PITPNB: variants seen among roughly 807,000 people sequenced by gnomAD.
PITPNB encodes the protein phosphatidylinositol transfer protein beta isoform.
Under a neutral mutation model 45.9 loss-of-function variants are expected in PITPNB, and 16 were observed. That is an observed-to-expected ratio of 0.35 (90% CI 0.24 to 0.53). The LOEUF is 0.53. Among genes scored for constraint, PITPNB ranks in the 20% least tolerant of loss-of-function variants. The pLI is 0.93. For missense variants in PITPNB, 188 were observed against 330.5 expected, an observed-to-expected ratio of 0.57 and a Z score of 3.34; for synonymous variants, 112 against 108.9, an observed-to-expected ratio of 1.03 and a Z score of -0.18.
intron 3 of PITPNB, among the ~76,000 whole-genome samples, chr22:27,898,967 GC>G (rs1384523416): frequency 2.6e-5 from 4 of 152,206 alleles, no homozygotes; most frequent in African/African-American, 9.7e-5. Context: ...AGTGACTGGA[GC>G]CTACTGTAAA....
At chr22:27,877,063 G>T (rs1046914021) in intron 7 of PITPNB, among the ~76,000 whole-genome samples, 56 of 152,136 alleles carry the variant, frequency 3.7e-4, no homozygotes, top group Admixed American at 2.9e-3. Flanking sequence ...GTAATCCTTG[G>T]GGAAAAAAGA....
chr22:27,917,264 T>C (rs982717182), intron 1 of PITPNB, among the ~76,000 whole-genome samples: 3 of 152,258 alleles, frequency 2.0e-5, no homozygotes, highest in East Asian at 1.9e-4. Flanking sequence ...GTTAGCTTCA[T>C]ACTACTCACA....
intron 10 of PITPNB, among the ~76,000 whole-genome samples, chr22:27,857,961 C>T (rs1185369237): frequency 1.3e-5 from 2 of 152,134 alleles, no homozygotes; most frequent in African/African-American, 2.4e-5. Context: ...ATTAGCCTTA[C>T]CTTTTCTACA....
chr22:27,856,770 C>T (rs1934186122), intron 10 of PITPNB, among the ~76,000 whole-genome samples: 1 of 152,178 alleles, frequency 6.6e-6, no homozygotes, highest in Admixed American at 6.5e-5. Context: ...GTTTCATGTT[C>T]AGTGGACACC....
rs1826668348 is a variant in PITPNB at position 27,855,866 on chromosome 22, G to A, written c.769-927C>T. 2.6e-5 allele frequency among the ~76,000 whole-genome samples: 4 copies of A among 152,284 alleles called. No individual in the cohort carries two copies. The South Asian group carries it at 8.3e-4, about 32-fold the overall frequency. ...TTAAAATCTATCATCAGGTGTCAGGGGTCAGGACCTCAAGGAAAAAGAAAT... is the reference window on the plus strand; with the variant it reads ...TTAAAATCTATCATCAGGTGTCAGGAGTCAGGACCTCAAGGAAAAAGAAAT... On this transcript the variant is annotated intron_variant, in intron 10 of 11. Transcript: ENST00000335272.
chr22:27,913,677 C>T (rs1252218033), intron 2 of PITPNB, among the ~76,000 whole-genome samples: 1 of 152,194 alleles, frequency 6.6e-6, no homozygotes, highest in Non-Finnish European at 1.5e-5. Context: ...ACAATTACAA[C>T]ACATATAGTA....
At chr22:27,873,843 G>A (rs1934740752) in intron 7 of PITPNB, 28 bp from the exon 8 acceptor site, 2 of 1,481,136 alleles carry the variant, frequency 1.4e-6, no homozygotes, top group South Asian at 1.1e-5. Flanking sequence ...GTCAGAGGCA[G>A]AGAAGAAAAC....
At chr22:27,903,643 G>A (rs1275693487) in intron 3 of PITPNB, among the ~76,000 whole-genome samples, 4 of 151,508 alleles carry the variant, frequency 2.6e-5, no homozygotes, top group African/African-American at 9.7e-5. Flanking sequence ...GAGCACAGTG[G>A]TGCACACCTA....
rs1253563008 is a variant in PITPNB, at chr22:27,854,942, A to G, written c.769-3T>C. 2.5e-6 allele frequency: 4 copies of G among 1,611,084 alleles called. No homozygotes were observed. The highest frequency in any genetic ancestry group is 3.3e-5 in the Admixed American group (2 of 59,992). On this transcript the variant is annotated splice_region_variant and splice_polypyrimidine_tract_variant and intron_variant, in intron 10 of 11. Transcript: ENST00000335272. ...CGAACGGAACCCCTCTTACGCATCT[A>G]AACGTAAAATAAAATTGTGAGCTGC...
chr22:27,897,267 T>C (rs1415908132), intron 4 of PITPNB, 130 bp from the exon 5 acceptor site: 11 of 751,834 alleles, frequency 1.5e-5, no homozygotes, highest in Non-Finnish European at 2.4e-5. Context: ...ATTTATTTAG[T>C]AATTTATGTC....
chr22:27,897,551 T>C (rs1935470790), intron 4 of PITPNB, among the ~76,000 whole-genome samples: 2 of 152,210 alleles, frequency 1.3e-5, no homozygotes, highest in African/African-American at 4.8e-5. Context: ...TCTTTTGGCT[T>C]ACCCCTGGAG....
intron 7 of PITPNB, among the ~76,000 whole-genome samples, chr22:27,885,198 T>C (rs1935083132): frequency 2.0e-5 from 1 of 49,784 alleles, no homozygotes; most frequent in African/African-American, 7.9e-5. Flanking sequence ...AAGAGCCAGA[T>C]TCAAATTTAT....
At chr22:27,859,954 G>A (rs1202135019) in intron 9 of PITPNB, among the ~76,000 whole-genome samples, 177 bp downstream of exon 9, 1 of 152,182 alleles carries the variant, frequency 6.6e-6, no homozygotes, top group East Asian at 1.9e-4. Context: ...TAAAACCTCT[G>A]CTGCCATCTG....
chr22:27,912,496 C>CT (rs1211133688), intron 2 of PITPNB, among the ~76,000 whole-genome samples: 1 of 152,014 alleles, frequency 6.6e-6, no homozygotes, highest in East Asian at 1.9e-4. Flanking sequence ...TAAAATGAGT[C>CT]TAGGTCAAAA....
In PITPNB at chr22:27,882,989, G is replaced by C. The variant is rs1601401051; in HGVS notation, c.457-9174C>G. On this transcript the variant is annotated intron_variant, in intron 7 of 11. Coordinates refer to ENST00000335272, the MANE Select transcript of PITPNB (RefSeq NM_012399.5). ...AGAAAATGTATGAGTGGTGTTCCCT[G>C]TAAGTACCCACACCAAAACACATCT... is the stretch of plus-strand genomic sequence containing the variant. Among the ~76,000 whole-genome samples the C allele has an allele frequency of 3.9e-5, 6 of 152,336 alleles. No homozygotes were observed. In the South Asian group the frequency reaches 1.2e-3, roughly 32 times the overall value.
At chr22:27,885,627 A>G (rs927582653) in intron 7 of PITPNB, among the ~76,000 whole-genome samples, 2 of 152,200 alleles carry the variant, frequency 1.3e-5, no homozygotes, top group African/African-American at 4.8e-5. Flanking sequence ...CTCCTGCCTC[A>G]GCCTCTCAAA....
chr22:27,869,203 T>G (rs1172981739), intron 8 of PITPNB, among the ~76,000 whole-genome samples: 1 of 152,192 alleles, frequency 6.6e-6, no homozygotes, highest in Non-Finnish European at 1.5e-5. Context: ...ATCGCTTTCC[T>G]ATTACTATGC....
intron 9 of PITPNB, among the ~76,000 whole-genome samples, chr22:27,859,441 A>C (rs1364935020): frequency 6.6e-6 from 1 of 152,246 alleles, no homozygotes; most frequent in Non-Finnish European, 1.5e-5. Context: ...CTTTATAATA[A>C]TAACAGAATA....
In PITPNB at chr22:27,902,756, G is replaced by C. The variant is rs1252652124; in HGVS notation, c.198-4864C>G. On this transcript the variant is annotated intron_variant, in intron 3 of 11. Coordinates refer to ENST00000335272, the MANE Select transcript of PITPNB (RefSeq NM_012399.5). ...TTTTTAAGAGACAGGGTCTTGCTGT[G>C]TCACTAGGCTGGAGAACAGTGGTGT... Among the ~76,000 whole-genome samples the C allele has an allele frequency of 2.0e-5, 3 of 152,118 alleles. No individual in the cohort carries two copies. In the East Asian group the frequency reaches 5.8e-4, roughly 29 times the overall value.
Sources: gnomAD v4.1 joint callset for allele counts (sites outside exome capture counted in the v4.1 genomes callset) on GRCh38, gnomAD v4.1.1 for gene constraint, MANE v1.5 for transcripts, NCBI Gene and HGNC (gene_info 2026-07-23, HGNC 2026-07-21) for gene names.